PLAC1: variants seen among roughly 807,000 people sequenced by gnomAD.
The protein encoded by PLAC1 is placenta associated 1, also known as placenta-specific protein 1.
For synonymous variants in PLAC1, 68 were observed against 62.1 expected (o/e 1.09, Z -0.44); for missense variants, 136 against 163.2 (o/e 0.83, Z 0.91).
intron 2 of PLAC1, among the ~76,000 whole-genome samples, chrX:134,675,565 T>C (rs1173946316): frequency 1.8e-5 from 2 of 110,231 alleles, no homozygotes; most frequent in East Asian, 2.9e-4. Context: ...CTCGGGAGGC[T>C]AAGGCAGGAG....
chrX:134,595,375 G>A (rs181440562), intron 2 of PLAC1, among the ~76,000 whole-genome samples: 18 of 110,028 alleles, frequency 1.6e-4, no homozygotes, highest in Non-Finnish European at 3.0e-4. Context: ...GTTATTGTTG[G>A]TATTGTTGAG....
At chrX:134,588,298 A>AT (rs75369405) in intron 2 of PLAC1, among the ~76,000 whole-genome samples, 3,197 of 21,225 alleles carry the variant, frequency 0.15, 48 homozygotes, top group Non-Finnish European at 0.3. Context: ...TATTTTATTT[A>AT]TTTATTTATT....
At chrX:134,754,650 A>G (rs2078752122) in intron 1 of PLAC1, among the ~76,000 whole-genome samples, 1 of 110,879 alleles carries the variant, frequency 9.0e-6, no homozygotes, top group Non-Finnish European at 1.9e-5. Flanking sequence ...GTGGTAGGAG[A>G]AAAAGGGGCA....
chrX:134,673,121 T>G (rs370243388), intron 2 of PLAC1, among the ~76,000 whole-genome samples: 11 of 110,724 alleles, frequency 9.9e-5, no homozygotes, highest in African/African-American at 3.6e-4. Context: ...TGGGTGAGCC[T>G]CTGCAGGCTA....
At chrX:134,752,625 GA>G (rs2078747430) in intron 1 of PLAC1, among the ~76,000 whole-genome samples, 2 of 111,247 alleles carry the variant, frequency 1.8e-5, no homozygotes. Context: ...TCAATTAAAT[GA>G]AAATTAATGT....
At chrX:134,736,109 C>T (rs1276388783) in intron 1 of PLAC1, among the ~76,000 whole-genome samples, 1 of 110,222 alleles carries the variant, frequency 9.1e-6, no homozygotes, top group Non-Finnish European at 1.9e-5. Flanking sequence ...AACCCTGTCT[C>T]TACTAAAAAT....
At chrX:134,713,694 C>T (rs930545163) in intron 2 of PLAC1, among the ~76,000 whole-genome samples, 8 of 111,549 alleles carry the variant, frequency 7.2e-5, no homozygotes, top group African/African-American at 2.6e-4. Context: ...ACAGCCTAAG[C>T]CATTTTGGTT....
At chrX:134,733,101 C>A (rs906111672) in intron 2 of PLAC1, among the ~76,000 whole-genome samples, 2 of 111,539 alleles carry the variant, frequency 1.8e-5, no homozygotes, top group Non-Finnish European at 3.8e-5. Context: ...TTGTTGAGCC[C>A]TGAGGCAGGA....
chrX:134,587,077 C>T (rs1229129584), intron 2 of PLAC1, among the ~76,000 whole-genome samples: 1 of 110,601 alleles, frequency 9.0e-6, no homozygotes, highest in African/African-American at 3.3e-5. Flanking sequence ...ATGTAGGCTT[C>T]ACAGTGTTCT....
At chrX:134,568,490 ACTGT>A (rs1314798346) in intron 2 of PLAC1, among the ~76,000 whole-genome samples, 1 of 111,937 alleles carries the variant, frequency 8.9e-6, no homozygotes, top group African/African-American at 3.2e-5. Context: ...GATTGGTCTC[ACTGT>A]CTTTCACTCT....
At chrX:134,619,443 G>A (rs926027789) in intron 1 of PLAC1, among the ~76,000 whole-genome samples, 2 of 110,797 alleles carry the variant, frequency 1.8e-5, no homozygotes, top group Admixed American at 1.9e-4. Flanking sequence ...ACGAGGTCAG[G>A]AGTTCAAGAC....
At chrX:134,657,857 G>A (rs2078399854) in intron 1 of PLAC1, among the ~76,000 whole-genome samples, 1 of 111,512 alleles carries the variant, frequency 9.0e-6, no homozygotes, top group African/African-American at 3.3e-5. Context: ...AAGTAGGAGA[G>A]TAAAGGAAGA....
intron 2 of PLAC1, among the ~76,000 whole-genome samples, chrX:134,573,518 G>A (rs1347434737): frequency 9.0e-6 from 1 of 111,205 alleles, no homozygotes; most frequent in African/African-American, 3.3e-5. Context: ...TGCCTGAGGT[G>A]ATCTGAAATC....
In PLAC1 at chrX:134,626,792, T is replaced by C. The variant is rs995636021; in HGVS notation, c.-130-24670A>G. 2.7e-5 allele frequency among the ~76,000 whole-genome samples: 3 copies of C among 112,301 alleles called. No individual in the cohort carries two copies. The East Asian group carries it at 8.4e-4, about 31-fold the overall frequency. ...CCCTTTGGGAGCTGTTTTAAAGAAG[T>C]TATTTAAATCCCCTAACTAAAAACA... On this transcript the variant is annotated intron_variant, in intron 1 of 2. Transcript: ENST00000359237.
intron 1 of PLAC1, among the ~76,000 whole-genome samples, chrX:134,621,122 T>G (rs146751203): frequency 0.022 from 2,452 of 110,650 alleles, 81 homozygotes; most frequent in African/African-American, 0.077. Flanking sequence ...TTTCCCCCAT[T>G]AGATGAAGAA....
At chrX:134,679,214 A>G (rs151115177) in intron 2 of PLAC1, among the ~76,000 whole-genome samples, 2,935 of 111,864 alleles carry the variant, frequency 0.026, 108 homozygotes, top group African/African-American at 0.091. Flanking sequence ...GAATGAAGGC[A>G]AGAATGAGTT....
chrX:134,634,451 C>A (rs763146144), intron 1 of PLAC1, among the ~76,000 whole-genome samples: 1 of 112,047 alleles, frequency 8.9e-6, no homozygotes, highest in South Asian at 3.7e-4. Flanking sequence ...ACCATCACCA[C>A]AATCAATTTT....
chrX:134,606,473 A>G (rs1411232309), intron 1 of PLAC1, among the ~76,000 whole-genome samples: 2 of 111,515 alleles, frequency 1.8e-5, no homozygotes, highest in Admixed American at 1.9e-4. Context: ...TAAAACCACA[A>G]TGAGATACCA....
intron 1 of PLAC1, among the ~76,000 whole-genome samples, chrX:134,633,043 T>A (rs979140462): frequency 8.9e-6 from 1 of 112,122 alleles, no homozygotes; most frequent in African/African-American, 3.2e-5. Context: ...CCCTTCAGCT[T>A]TGCTCTTGCC....
Sources: gnomAD v4.1 joint callset for allele counts (sites outside exome capture counted in the v4.1 genomes callset) on GRCh38, gnomAD v4.1.1 for gene constraint, MANE v1.5 for transcripts, NCBI Gene and HGNC (gene_info 2026-07-23, HGNC 2026-07-21) for gene names.